The following EPB41L5 variants were observed in gnomAD, a reference collection of about 807,000 sequenced individuals.
The protein encoded by EPB41L5 is band 4.1-like protein 5.
Under a neutral mutation model 106.6 loss-of-function variants are expected in EPB41L5, and 55 were observed. The ratio of observed to expected loss-of-function variants is 0.52; its 90% CI spans 0.42 to 0.65. The LOEUF (loss-of-function observed/expected upper bound fraction) is 0.65. EPB41L5 is among the 30% of genes least tolerant of loss of function. The pLI, the probability that EPB41L5 is intolerant of heterozygous loss-of-function variation, is 0.00. For synonymous variants in EPB41L5, 297 were observed against 306.7 expected (o/e 0.97, Z 0.33); for missense variants, 871 against 882.1 (o/e 0.99, Z 0.16).
intron 17 of EPB41L5, among the ~76,000 whole-genome samples, chr2:120,131,140 T>C (rs959006466): frequency 6.6e-6 from 1 of 152,208 alleles, no homozygotes; most frequent in African/African-American, 2.4e-5. Flanking sequence ...CAATATATAA[T>C]ATGTTGAATC....
chr2:120,019,352 A>G, intron 2 of EPB41L5, 88 bp downstream of exon 2: 1 of 1,269,748 alleles, frequency 7.9e-7, no homozygotes. Flanking sequence ...TAACTTCTGG[A>G]TGGAAATAAG....
intron 3 of EPB41L5, among the ~76,000 whole-genome samples, chr2:120,069,834 T>C (rs1482964725): frequency 6.6e-6 from 1 of 152,170 alleles, no homozygotes; most frequent in Admixed American, 6.5e-5. Context: ...GAGGGAAATT[T>C]ATAGCACTAA....
chr2:120,123,988 C>T (rs925773123), intron 16 of EPB41L5, among the ~76,000 whole-genome samples: 30 of 152,216 alleles, frequency 2.0e-4, no homozygotes, highest in African/African-American at 6.3e-4. Flanking sequence ...ACTTTCTCCC[C>T]TTATTCTTGT....
chr2:120,014,760 A>G (rs1677394940), intron 1 of EPB41L5, among the ~76,000 whole-genome samples: 1 of 152,118 alleles, frequency 6.6e-6, no homozygotes, highest in Admixed American at 6.6e-5. Flanking sequence ...CAGCAAGAGT[A>G]CAAGAGCAGA....
chr2:120,073,119 T>G, intron 3 of EPB41L5, 59 bp from the exon 4 acceptor site: 1 of 1,451,008 alleles, frequency 6.9e-7, no homozygotes, highest in South Asian at 1.2e-5. Context: ...TTTTAGTAAT[T>G]CATTCAAATT....
chr2:120,093,810 TTG>T, intron 14 of EPB41L5, among the ~76,000 whole-genome samples: 1 of 152,190 alleles, frequency 6.6e-6, no homozygotes, highest in Non-Finnish European at 1.5e-5. Context: ...CAAAATAAGT[TTG>T]TATATGTTCC....
intron 2 of EPB41L5, among the ~76,000 whole-genome samples, chr2:120,029,806 T>C (rs1381870128): frequency 6.6e-6 from 1 of 152,232 alleles, no homozygotes; most frequent in African/African-American, 2.4e-5. Context: ...GCCTTTGTCA[T>C]GCAGGCCTTG....
chr2:120,150,316 TTTTTA>T (rs903802719), intron 20 of EPB41L5, among the ~76,000 whole-genome samples: 30 of 152,022 alleles, frequency 2.0e-4, no homozygotes, highest in African/African-American at 6.5e-4. Flanking sequence ...CTTTGCTCAT[TTTTTA>T]TTTTATTTTC....
At chr2:120,159,013 C>G (rs1687019606) in intron 20 of EPB41L5, among the ~76,000 whole-genome samples, 4 of 152,032 alleles carry the variant, frequency 2.6e-5, no homozygotes, top group Admixed American at 2.6e-4. Context: ...AATAAAATAC[C>G]TAGGATTTTC....
At chr2:120,069,541 C>T (rs1016037188) in intron 3 of EPB41L5, among the ~76,000 whole-genome samples, 1 of 151,842 alleles carries the variant, frequency 6.6e-6, no homozygotes, top group African/African-American at 2.4e-5. Flanking sequence ...CTACATCACA[C>T]TTTAAAATTG....
intron 2 of EPB41L5, among the ~76,000 whole-genome samples, chr2:120,021,079 T>G (rs1405135093): frequency 2.6e-5 from 4 of 151,998 alleles, no homozygotes; most frequent in African/African-American, 4.8e-5. Context: ...CAGTGGCTTA[T>G]GCCTGTAATC....
chr2:120,025,584 A>C (rs1334108037), intron 2 of EPB41L5, among the ~76,000 whole-genome samples: 1 of 152,190 alleles, frequency 6.6e-6, no homozygotes, highest in African/African-American at 2.4e-5. Flanking sequence ...TTATATACCT[A>C]CTTTCTTGTA....
At chr2:120,101,819 T>A (rs1310847728) in intron 16 of EPB41L5, among the ~76,000 whole-genome samples, 5 of 152,210 alleles carry the variant, frequency 3.3e-5, no homozygotes, top group African/African-American at 4.8e-5. Context: ...AACTTGTGAT[T>A]AGTTTATAAG....
chr2:120,069,828 G>A (rs1681733858), intron 3 of EPB41L5, among the ~76,000 whole-genome samples: 1 of 152,068 alleles, frequency 6.6e-6, no homozygotes, highest in Non-Finnish European at 1.5e-5. Flanking sequence ...TGTTTAGAGG[G>A]AAATTTATAG....
chr2:120,146,408 C>T, intron 20 of EPB41L5, 119 bp downstream of exon 20: 1 of 699,364 alleles, frequency 1.4e-6, no homozygotes, highest in Non-Finnish European at 2.5e-6. Flanking sequence ...CTTGAATTCA[C>T]TCTATTGTAT....
intron 24 of EPB41L5, among the ~76,000 whole-genome samples, chr2:120,173,497 A>G (rs539858097): frequency 1.3e-5 from 2 of 152,326 alleles, no homozygotes; most frequent in South Asian, 4.1e-4. Flanking sequence ...TAGAGACCCC[A>G]CTTTGAGAAC....
intron 17 of EPB41L5, 56 bp downstream of exon 17, chr2:120,127,907 A>C: frequency 7.0e-7 from 1 of 1,419,016 alleles, no homozygotes; most frequent in Non-Finnish European, 9.5e-7. Flanking sequence ...CTTTGAAATA[A>C]GATATTTAAA....
intron 2 of EPB41L5, among the ~76,000 whole-genome samples, chr2:120,019,768 G>A (rs1677800467): frequency 6.6e-6 from 1 of 152,212 alleles, no homozygotes; most frequent in South Asian, 2.1e-4. Context: ...ATGAGGTGAA[G>A]TGAGAAAAAG....
Position 120,103,505 on chromosome 2 carries a change from A to T in EPB41L5, c.1337+2691A>T, listed in dbSNP as rs539665708. On this transcript the variant is annotated intron_variant, in intron 16 of 24. Coordinates refer to ENST00000263713, the MANE Select transcript of EPB41L5 (RefSeq NM_020909.4). ...TGATTCTCTATTGCTAATTGGGAAC[A>T]TTGATGTAAAATTACATGGCCTCTG... 3.9e-5 allele frequency among the ~76,000 whole-genome samples: 6 copies of T among 152,300 alleles called. No homozygotes were observed. In the East Asian group the frequency reaches 7.7e-4, roughly 20 times the overall value.
Sources: allele counts gnomAD v4.1 joint callset (sites outside exome capture counted in the v4.1 genomes callset), GRCh38; gene constraint gnomAD v4.1.1; transcripts MANE v1.5; gene names NCBI Gene and HGNC (gene_info 2026-07-23, HGNC 2026-07-21).